The following CLIP2 variants were observed in gnomAD, a reference collection of about 807,000 sequenced individuals.
CLIP2 encodes CAP-Gly domain-containing linker protein 2.
In CLIP2, 41 loss-of-function variants were observed where a neutral mutation model predicts 111.7. The ratio of observed to expected loss-of-function variants is 0.37; its 90% confidence interval spans 0.29 to 0.48. The LOEUF is 0.48. Among genes scored for constraint, CLIP2 ranks in the 20% least tolerant of loss-of-function variants. The pLI is 0.99. For synonymous variants in CLIP2, 660 were observed against 644.2 expected (o/e 1.02, Z -0.37); for missense variants, 1,160 against 1,422.1 (o/e 0.82, Z 2.96).
At chr7:74,370,599 C>G (rs1274866440) in intron 8 of CLIP2, among the ~76,000 whole-genome samples, 18 of 137,846 alleles carry the variant, frequency 1.3e-4, no homozygotes, top group Non-Finnish European at 2.0e-4. Context: ...CCCAACCCTC[C>G]CCCCCACCAC....
intron 2 of CLIP2, among the ~76,000 whole-genome samples, chr7:74,321,082 G>T (rs1554729965): frequency 6.6e-6 from 1 of 152,060 alleles, no homozygotes; most frequent in East Asian, 1.9e-4. Flanking sequence ...TGTGACCCTG[G>T]GAGAGTGACC....
chr7:74,325,894 T>C (rs1554730625), intron 2 of CLIP2, among the ~76,000 whole-genome samples: 1 of 151,774 alleles, frequency 6.6e-6, no homozygotes, highest in Admixed American at 6.6e-5. Context: ...TGAGGACTGA[T>C]GGGACTGATG....
chr7:74,359,804 C>T (rs1790272215), intron 6 of CLIP2, among the ~76,000 whole-genome samples: 1 of 152,182 alleles, frequency 6.6e-6, no homozygotes, highest in Non-Finnish European at 1.5e-5. Context: ...GGCCTCTGTC[C>T]CCATCTGGGG....
intron 3 of CLIP2, among the ~76,000 whole-genome samples, chr7:74,339,456 C>T (rs1438844651): frequency 2.0e-5 from 3 of 152,004 alleles, no homozygotes; most frequent in African/African-American, 7.2e-5. Context: ...CAGGCATGTG[C>T]CACCACGCCC....
Position 74,376,110 on chromosome 7 carries a change from C to T in CLIP2, c.1709C>T (p.Ala570Val). The stretch of plus-strand genomic sequence containing the variant: ...GTGCTGCGGGATAAATACGAGAAGG[C>T]CCTGAAGGCCTACCAGGCGGAGGTG... ...SGVLRDKYEKALKAYQAEVDK... is the reference protein window; with the variant it reads ...SGVLRDKYEKVLKAYQAEVDK... Residue 570 changes from alanine (A) to valine (V), a missense_variant, in exon 10 of 17, where the codon GCC becomes GTC. Coordinates refer to ENST00000223398, the MANE Select transcript of CLIP2 (RefSeq NM_003388.5). This position sits in a 1 kb window ranked among gnomAD's most constrained non-coding sequence, Gnocchi z 7.1. 1 of 1,610,510 alleles carries T rather than the reference C, an allele frequency of 6.2e-7. No individual in the cohort carries two copies. Among genetic ancestry groups the T allele is most frequent in the Non-Finnish European group, 8.5e-7 (1 of 1,178,374 alleles).
At chr7:74,342,352 G>C (rs1554305513) in intron 3 of CLIP2, among the ~76,000 whole-genome samples, 1 of 151,590 alleles carries the variant, frequency 6.6e-6, no homozygotes, top group African/African-American at 2.4e-5. Flanking sequence ...CTCCAGCCTG[G>C]GTGGCAGAGC....
intron 2 of CLIP2, among the ~76,000 whole-genome samples, chr7:74,332,416 G>GGATTGCA (rs1789314762): frequency 6.6e-6 from 1 of 151,054 alleles, no homozygotes; most frequent in South Asian, 2.1e-4. Flanking sequence ...TGCCCAGGCT[G>GGATTGCA]GATTGCAGTG....
At chr7:74,359,082 G>T (rs782213657) in intron 6 of CLIP2, among the ~76,000 whole-genome samples, 12 of 151,736 alleles carry the variant, frequency 7.9e-5, no homozygotes, top group Non-Finnish European at 1.6e-4. Flanking sequence ...TCCTGCCTCA[G>T]CGTCCTTAGT....
At chr7:74,394,501 C>T (rs543161655) in intron 13 of CLIP2, among the ~76,000 whole-genome samples, 2 of 152,270 alleles carry the variant, frequency 1.3e-5, no homozygotes, top group East Asian at 1.9e-4. Context: ...CCACCTGCCT[C>T]GGCCTCCCAA....
At position 74,348,789 on chromosome 7, in the gene CLIP2, C is replaced by CAA. The variant is rs377752236; in HGVS notation, c.679-5074_679-5073dup. On this transcript the variant is annotated intron_variant, in intron 3 of 16. Coordinates refer to ENST00000223398, the MANE Select transcript of CLIP2 (RefSeq NM_003388.5). ...TGGGCAACAGAGCGAGACTCTGTCTCAAAAAAAAAAAAAAAAAAGAATGAG... is the reference window on the plus strand; with the variant it reads ...TGGGCAACAGAGCGAGACTCTGTCTCAAAAAAAAAAAAAAAAAAAAGAATGAG... 2.3e-3 allele frequency among the ~76,000 whole-genome samples: 244 copies of CAA among 108,112 alleles called. 2 individuals are homozygous for CAA. The highest frequency in any genetic ancestry group is 9.8e-3 in the Middle Eastern group (2 of 204). The allele number at this position is 108,112 out of a possible 152,430, so 70.9% of individuals were successfully genotyped here.
intron 3 of CLIP2, among the ~76,000 whole-genome samples, chr7:74,346,732 A>AC (rs1789807280): frequency 1.6e-5 from 1 of 64,450 alleles, no homozygotes; most frequent in African/African-American, 3.2e-5. Context: ...AAAAAAAAAA[A>AC]AAAAAAAAAA....
At chr7:74,391,036 C>T (rs889511994) in intron 13 of CLIP2, among the ~76,000 whole-genome samples, 4 of 151,430 alleles carry the variant, frequency 2.6e-5, no homozygotes, top group Non-Finnish European at 5.9e-5. Flanking sequence ...GCAACAAGAG[C>T]GAAACTCCAT....
Position 74,389,230 on chromosome 7 carries a change from C to T in CLIP2, c.2691C>T (p.Leu897=), listed in dbSNP as rs1791207110. The T allele has an allele frequency of 1.2e-6, 2 of 1,609,040 alleles. No homozygotes were observed. Among genetic ancestry groups the T allele is most frequent in the South Asian group, 1.1e-5 (1 of 90,562 alleles). The change falls in exon 13 of 17, where the codon CTC becomes CTT. Residue 897 remains leucine, a synonymous_variant. Transcript: ENST00000223398. Reference sequence around the variant, plus strand: ...ATGACGCCTCGGGCCAGCTAGTCCTCATCAGCCAGGAGCTGCTGCGGAAGG... The same window carrying T: ...ATGACGCCTCGGGCCAGCTAGTCCTTATCAGCCAGGAGCTGCTGCGGAAGG... ...KTHDASGQLV[L]ISQELLRKER... is the part of the protein sequence containing the mutation.
intron 1 of CLIP2, among the ~76,000 whole-genome samples, chr7:74,294,239 C>G (rs1223345829): frequency 1.3e-5 from 2 of 152,196 alleles, no homozygotes; most frequent in African/African-American, 4.8e-5. Context: ...GCCAGAGCCT[C>G]CTATCCTGGC....
At chr7:74,341,100 C>T (rs1789648591) in intron 3 of CLIP2, among the ~76,000 whole-genome samples, 1 of 152,156 alleles carries the variant, frequency 6.6e-6, no homozygotes, top group Non-Finnish European at 1.5e-5. Context: ...GTTGAATCTT[C>T]AAGCCTGTGC....
chr7:74,375,044 A>G (rs1488085200), intron 9 of CLIP2, among the ~76,000 whole-genome samples: 2 of 152,136 alleles, frequency 1.3e-5, no homozygotes, highest in Admixed American at 6.6e-5. Flanking sequence ...TCTGTTCTTT[A>G]AAAAGAATGT....
chr7:74,358,926 C>T (rs1790232341), intron 6 of CLIP2, among the ~76,000 whole-genome samples: 1 of 152,106 alleles, frequency 6.6e-6, no homozygotes, highest in Non-Finnish European at 1.5e-5. Flanking sequence ...TCCTTACTGA[C>T]ATCTGACGTG....
intron 13 of CLIP2, among the ~76,000 whole-genome samples, chr7:74,390,857 G>A (rs1486852919): frequency 6.6e-6 from 1 of 151,844 alleles, no homozygotes; most frequent in Non-Finnish European, 1.5e-5. Context: ...AGACCAGCCT[G>A]TCCAACATGG....
chr7:74,373,986 C>A (rs1314282475), intron 9 of CLIP2, among the ~76,000 whole-genome samples: 4 of 152,042 alleles, frequency 2.6e-5, no homozygotes, highest in African/African-American at 7.2e-5. Flanking sequence ...ACTCCTAGGG[C>A]ATGGTTCTGA....
Sources: gnomAD v4.1 joint callset for allele counts (sites outside exome capture counted in the v4.1 genomes callset) on GRCh38, gnomAD v4.1.1 for gene constraint, Gnocchi (gnomAD v3.1) non-coding constraint, MANE v1.5 for transcripts, NCBI Gene and HGNC (gene_info 2026-07-23, HGNC 2026-07-21) for gene names.